NOD2: variants seen among roughly 807,000 people sequenced by gnomAD.
NOD2 encodes the protein nucleotide-binding oligomerization domain-containing protein 2.
A neutral mutation model predicts 90.9 loss-of-function variants in NOD2; 86 were observed. The ratio of observed to expected loss-of-function variants is 0.95; its 90% CI spans 0.79 to 1.13. NOD2 has a LOEUF of 1.13. Among genes scored for constraint, NOD2 ranks in the 50% most tolerant of loss-of-function variants. NOD2 has a pLI of 0.00. For synonymous variants in NOD2, 581 were observed against 554.6 expected (o/e 1.05, Z -0.67); for missense variants, 1,238 against 1,283.8 (o/e 0.96, Z 0.55).
rs1241027272 is a variant in NOD2, at chr16:50,711,480, G to T, written c.1488G>T (p.Leu496=). Residue 496 remains leucine, a synonymous_variant, in exon 4 of 12, where the codon CTG becomes CTT. Coordinates refer to ENST00000647318, the MANE Select transcript of NOD2 (RefSeq NM_001370466.1). Reference sequence around the variant, plus strand: ...TGCTGATTCTGCAGCATTTTCTGCTGCATGCCACCCCCCCAGACTCAGCTT... The same window carrying T: ...TGCTGATTCTGCAGCATTTTCTGCTTCATGCCACCCCCCCAGACTCAGCTT... ...MYLLILQHFL[L]HATPPDSASQ... is the part of the protein sequence containing the mutation. 3 of 1,613,320 alleles carry T rather than the reference G, an allele frequency of 1.9e-6. No individual in the cohort carries two copies. The South Asian group carries it at 3.3e-5, about 18-fold the overall frequency.
chr16:50,729,966 G>A, intron 11 of NOD2, 65 bp downstream of exon 11: 2 of 1,224,610 alleles, frequency 1.6e-6, no homozygotes, highest in South Asian at 1.2e-5. Flanking sequence ...GTAAAATGGG[G>A]TGACGGGAGA....
chr16:50,713,863 G>A (rs578000699), intron 4 of NOD2, among the ~76,000 whole-genome samples: 179 of 152,320 alleles, frequency 1.2e-3, no homozygotes, highest in Non-Finnish European at 2.1e-3. Context: ...ACCCATCAGG[G>A]AGGCCGAGTG....
intron 7 of NOD2, 144 bp from the exon 8 acceptor site, chr16:50,722,478 A>G: frequency 1.2e-6 from 1 of 811,580 alleles, no homozygotes; most frequent in Non-Finnish European, 2.2e-6. Flanking sequence ...TGCTGGGACC[A>G]GGAGCCCCAG....
At chr16:50,696,412 T>C (rs577730109) in intron 1 of NOD2, 1 of 152,328 alleles carries the variant, frequency 6.6e-6, no homozygotes, top group Admixed American at 6.5e-5. Context: ...TTGTAGTAAC[T>C]GAAGTAGAGA....
At chr16:50,697,301 C>A in intron 1 of NOD2, 1 of 1,558,100 alleles carries the variant, frequency 6.4e-7, no homozygotes, top group Non-Finnish European at 8.7e-7. Flanking sequence ...AAGTGTCCTC[C>A]TCGGACATTC....
rs752558110 is a variant in NOD2 at position 50,723,397 on chromosome 16, G to GA, written c.2801+14dup. On this transcript the variant is annotated intron_variant, in intron 9 of 11. Transcript: ENST00000647318. ...TAGAAGAACTCTGGTGAGTTTGGGGGATTCTCTGCTCTGGGGAAGTGGATC... is the reference window on the plus strand; with the variant it reads ...TAGAAGAACTCTGGTGAGTTTGGGGGAATTCTCTGCTCTGGGGAAGTGGATC... 1 of 1,612,270 alleles carries GA rather than the reference G, an allele frequency of 6.2e-7. No individual in the cohort carries two copies. Among genetic ancestry groups the GA allele is most frequent in the Non-Finnish European group, 8.5e-7 (1 of 1,178,506 alleles).
Position 50,708,844 on chromosome 16 carries a change from C to T in NOD2, c.565+884C>T, listed in dbSNP as rs1964324016. ...TCTGTGCCTGGCACTCGCGAGTGCACCGTCTCATTGAAGAACAGGATCTAA... is the reference window on the plus strand; with the variant it reads ...TCTGTGCCTGGCACTCGCGAGTGCATCGTCTCATTGAAGAACAGGATCTAA... On this transcript the variant is annotated intron_variant, in intron 3 of 11. Coordinates refer to ENST00000647318, the MANE Select transcript of NOD2 (RefSeq NM_001370466.1). Among the ~76,000 whole-genome samples, 5 of 152,182 alleles carry T rather than the reference C, an allele frequency of 3.3e-5. No individual in the cohort carries two copies. In the South Asian group the frequency reaches 1.0e-3, roughly 32 times the overall value.
chr16:50,725,481 C>G lies in NOD2; in HGVS notation c.2802-8C>G. 4 of 1,610,530 alleles carry G rather than the reference C, an allele frequency of 2.5e-6. No individual in the cohort carries two copies. Among genetic ancestry groups the G allele is most frequent in the Non-Finnish European group, 2.5e-6 (3 of 1,176,806 alleles). On this transcript the variant is annotated splice_polypyrimidine_tract_variant and splice_region_variant and intron_variant, in intron 9 of 11. Transcript: ENST00000647318. ...TATCAACTGGATTTTCTCTCTTCTT[C>G]TCACCAGCCTGGAGGAGAACCATCT...
chr16:50,704,194 T>C lies in NOD2; in HGVS notation c.460-3661T>C, dbSNP rs373305375. ...TTGAATCTTGAGTCACTGCTCCATT[T>C]TGTTTGAACTGGTGGCCATCTACTT... On this transcript the variant is annotated intron_variant, in intron 2 of 11. Coordinates refer to ENST00000647318, the MANE Select transcript of NOD2 (RefSeq NM_001370466.1). Among the ~76,000 whole-genome samples the C allele has an allele frequency of 5.1e-4, 77 of 152,346 alleles. 1 individual carries two copies. Among genetic ancestry groups the C allele is most frequent in the African/African-American group, 1.3e-3 (56 of 41,584 alleles).
At chr16:50,714,486 G>A (rs1964688339) in intron 4 of NOD2, among the ~76,000 whole-genome samples, 2 of 152,206 alleles carry the variant, frequency 1.3e-5, no homozygotes, top group South Asian at 4.1e-4. Context: ...AACCAGCTTG[G>A]TTTTCCATTA....
Position 50,699,867 on chromosome 16 carries a change from C to T in NOD2, c.372C>T (p.Asn124=). ...IVRRLHSHVE[N]MLDLAWERGF... is the part of the protein sequence containing the mutation. ...GGAGGCTCCACAGCCATGTGGAGAA[C>T]ATGCTGGACCTGGCATGGGAGCGGG... Residue 124 remains asparagine (N), a synonymous_variant, in exon 2 of 12, where the codon AAC becomes AAT. Coordinates refer to ENST00000647318, the MANE Select transcript of NOD2 (RefSeq NM_001370466.1). 3 of 1,613,468 alleles carry T rather than the reference C, an allele frequency of 1.9e-6. No individual in the cohort carries two copies. The highest frequency in any genetic ancestry group is 1.1e-5 in the South Asian group (1 of 91,078).
At chr16:50,701,357 T>A (rs2099839240) in intron 2 of NOD2, among the ~76,000 whole-genome samples, 1 of 152,252 alleles carries the variant, frequency 6.6e-6, no homozygotes, top group African/African-American at 2.4e-5. Flanking sequence ...TTTTAGTTTT[T>A]GTTTTTGTCT....
At chr16:50,705,133 A>C (rs1964125907) in intron 2 of NOD2, among the ~76,000 whole-genome samples, 1 of 152,116 alleles carries the variant, frequency 6.6e-6, no homozygotes, top group Non-Finnish European at 1.5e-5. Context: ...TATGATAGTC[A>C]CAGCTCTATC....
At position 50,699,717 on chromosome 16, in the gene NOD2, G is replaced by C. The variant is rs138041175; in HGVS notation, c.222G>C (p.Gln74His). ...GGAATAAGGGTACTTGGGCCTGTCA[G>C]AAGCTCATCGCGGCTGCCCAAGAAG... is the stretch of plus-strand genomic sequence containing the variant. ...TVWNKGTWACQKLIAAAQEAQ... is the reference protein window; with the variant it reads ...TVWNKGTWACHKLIAAAQEAQ... The change falls in exon 2 of 12, where the codon CAG becomes CAC. Residue 74 changes from glutamine (Q) to histidine (H), a missense_variant. Transcript: ENST00000647318. 6 of 1,614,164 alleles carry C rather than the reference G, an allele frequency of 3.7e-6. No homozygotes were observed. The highest frequency in any genetic ancestry group is 5.1e-6 in the Non-Finnish European group (6 of 1,180,026).
Position 50,699,949 on chromosome 16 carries a change from C to T in NOD2, c.454C>T (p.Gln152Ter). 2 of 1,604,112 alleles carry T rather than the reference C, an allele frequency of 1.2e-6. No homozygotes were observed. The highest frequency in any genetic ancestry group is 1.7e-6 in the Non-Finnish European group (2 of 1,178,906). The change falls in exon 2 of 12, where the codon CAG becomes TAG. Residue 152 changes from glutamine (Q) to a stop codon, truncating the protein, a stop_gained. Coordinates refer to ENST00000647318, the MANE Select transcript of NOD2 (RefSeq NM_001370466.1). LOFTEE classifies it high-confidence loss of function. ...EIRLPIFTPS[Q>*]RARRLLDLAT... ...CAGGTTGCCGATCTTCACACCGTCC[C>T]AGAGGGTGAGGCACTCCTGGTGTGC...
At chr16:50,718,372 C>CT (rs1964892979) in intron 6 of NOD2, among the ~76,000 whole-genome samples, 2 of 152,202 alleles carry the variant, frequency 1.3e-5, no homozygotes, top group African/African-American at 2.4e-5. Flanking sequence ...AGCGTGGATG[C>CT]GCTGGACGGG....
intron 2 of NOD2, among the ~76,000 whole-genome samples, 186 bp downstream of exon 2, chr16:50,700,140 T>C (rs184585895): frequency 6.6e-6 from 1 of 152,300 alleles, no homozygotes. Context: ...CTTTCTTTCT[T>C]CTTTTCTTTT....
chr16:50,719,449 T>G (rs1964942561), intron 6 of NOD2, among the ~76,000 whole-genome samples: 1 of 152,088 alleles, frequency 6.6e-6, no homozygotes, highest in Non-Finnish European at 1.5e-5. Context: ...TCTCCTTCCT[T>G]TCTGGAAGGC....
intron 6 of NOD2, among the ~76,000 whole-genome samples, chr16:50,718,678 C>T (rs1964909421): frequency 6.6e-6 from 1 of 152,188 alleles, no homozygotes; most frequent in South Asian, 2.1e-4. Context: ...CTCCGTTTCC[C>T]CTTCTGTAGA....
Sources: allele counts gnomAD v4.1 joint callset (sites outside exome capture counted in the v4.1 genomes callset), GRCh38; gene constraint gnomAD v4.1.1; transcripts MANE v1.5; gene names NCBI Gene and HGNC (gene_info 2026-07-23, HGNC 2026-07-21).